The following QKI variants were observed in gnomAD, a reference collection of about 807,000 sequenced individuals.
QKI encodes QKI, KH domain containing RNA binding, also known as KH domain-containing RNA-binding protein QKI.
Under a neutral mutation model 39.0 loss-of-function variants are expected in QKI, and 10 were observed. The observed-to-expected ratio is 0.26, with a 90% CI of 0.16 to 0.43. The LOEUF (loss-of-function observed/expected upper bound fraction) is 0.43. QKI is among the 20% of genes least tolerant of loss of function. The pLI is 1.00. For synonymous variants in QKI, 204 were observed against 155.4 expected, an observed-to-expected ratio of 1.31 and a Z score of -2.33; for missense variants, 218 against 428.0, an observed-to-expected ratio of 0.51 and a Z score of 4.33.
intron 1 of QKI, among the ~76,000 whole-genome samples, chr6:163,446,357 A>G (rs562227625): frequency 1.4e-3 from 206 of 152,268 alleles, no homozygotes; most frequent in African/African-American, 4.6e-3. Context: ...ACCCGTTTCC[A>G]TTGCTAAGAG....
intron 2 of QKI, among the ~76,000 whole-genome samples, chr6:163,477,646 CTG>C (rs762447925): frequency 1.4e-4 from 22 of 152,104 alleles, no homozygotes; most frequent in South Asian, 2.1e-4. Flanking sequence ...ATAGATGAGT[CTG>C]TGAGTCTCAA....
At chr6:163,491,959 T>C (rs185676580) in intron 3 of QKI, among the ~76,000 whole-genome samples, 24 of 152,336 alleles carry the variant, frequency 1.6e-4, no homozygotes, top group Admixed American at 1.6e-3. Flanking sequence ...GAGTCCATTT[T>C]ATCACTAGAT....
At chr6:163,451,189 A>C (rs1186194655) in intron 1 of QKI, among the ~76,000 whole-genome samples, 1 of 151,530 alleles carries the variant, frequency 6.6e-6, no homozygotes, top group Admixed American at 6.6e-5. Context: ...TTGTCTTAAC[A>C]CCATTAGCAA....
intron 4 of QKI, among the ~76,000 whole-genome samples, chr6:163,541,221 C>T (rs1459250577): frequency 6.6e-6 from 1 of 151,894 alleles, no homozygotes; most frequent in African/African-American, 2.4e-5. Context: ...GTAATTTCTT[C>T]TTTGAGCCGT....
chr6:163,435,134 A>G (rs371308794), intron 1 of QKI, among the ~76,000 whole-genome samples: 2 of 152,322 alleles, frequency 1.3e-5, no homozygotes, highest in South Asian at 2.1e-4. Flanking sequence ...TTAGTTGCAT[A>G]TTATCCAAAA....
In QKI at chr6:163,459,231, C is replaced by T. The variant is rs564629078; in HGVS notation, c.285+3810C>T. ...GGAATGCAAGATCCAAGCCAAACTG[C>T]ATAAGCAGGTATAAGGCGTCTGCTC... On this transcript the variant is annotated intron_variant, in intron 2 of 7. Coordinates refer to ENST00000361752, the MANE Select transcript of QKI (RefSeq NM_006775.3). Among the ~76,000 whole-genome samples the T allele has an allele frequency of 4.1e-4, 62 of 152,352 alleles. 1 individual carries two copies. The highest frequency in any genetic ancestry group is 1.4e-3 in the African/African-American group (60 of 41,590).
chr6:163,503,888 C>A (rs1778937585), intron 3 of QKI, among the ~76,000 whole-genome samples: 1 of 151,874 alleles, frequency 6.6e-6, no homozygotes, highest in African/African-American at 2.4e-5. Flanking sequence ...TACAGGCGCC[C>A]ACCACCACAC....
chr6:163,555,869 TAAAC>T lies in QKI; in HGVS notation c.547-6111_547-6108del, dbSNP rs529061012. ...AGTATATAGATCTAAAAATACTAAA[TAAAC>T]ATGATTTTCTTACTTTCTAACATGT... On this transcript the variant is annotated intron_variant, in intron 4 of 7. Coordinates refer to ENST00000361752, the MANE Select transcript of QKI (RefSeq NM_006775.3). Among the ~76,000 whole-genome samples, 27 of 152,310 alleles carry T rather than the reference TAAAC, an allele frequency of 1.8e-4. No homozygotes were observed. The East Asian group carries it at 4.8e-3, about 27-fold the overall frequency.
At chr6:163,455,694 T>G (rs1393096980) in intron 2 of QKI, among the ~76,000 whole-genome samples, 1 of 152,214 alleles carries the variant, frequency 6.6e-6, no homozygotes, top group Admixed American at 6.5e-5. Context: ...ATGGCCTGAC[T>G]GACACAGAGC....
chr6:163,467,836 G>A (rs372570529), intron 2 of QKI, among the ~76,000 whole-genome samples: 16 of 152,216 alleles, frequency 1.1e-4, no homozygotes, highest in African/African-American at 3.9e-4. Context: ...GAAAGGATAT[G>A]TTTTCAGTAT....
Position 163,567,151 on chromosome 6 carries a change from T to G in QKI, c.1009+356T>G, listed in dbSNP as rs188892098. 25 of 1,018,304 alleles carry G rather than the reference T, an allele frequency of 2.5e-5. No individual in the cohort carries two copies. The East Asian group carries it at 2.3e-3, about 92-fold the overall frequency. 63.1% of individuals were successfully genotyped at this position (1,018,304 alleles called of 1,614,324 possible). A position where few individuals can be genotyped will look rare whatever the true frequency, so the allele number is the denominator to read the frequency against. On this transcript the variant is annotated intron_variant, in intron 7 of 7. Coordinates refer to ENST00000361752, the MANE Select transcript of QKI (RefSeq NM_006775.3). ...TTTTAAAAGTTCTGAAATTTGGGGT[T>G]GGTATTGCAAAATGAATTGAACGGA... is the stretch of plus-strand genomic sequence containing the variant.
intron 3 of QKI, among the ~76,000 whole-genome samples, chr6:163,501,758 T>A (rs532585304): frequency 5.2e-4 from 79 of 152,324 alleles, no homozygotes; most frequent in Admixed American, 9.8e-4. Flanking sequence ...TTACGTACTT[T>A]ATGTGATACA....
chr6:163,446,351 G>A (rs1790147948), intron 1 of QKI, among the ~76,000 whole-genome samples: 2 of 152,110 alleles, frequency 1.3e-5, no homozygotes, highest in Admixed American at 6.5e-5. Flanking sequence ...TTGGGTACCC[G>A]TTTCCATTGC....
At chr6:163,475,552 C>T (rs991615970) in intron 2 of QKI, among the ~76,000 whole-genome samples, 1 of 152,050 alleles carries the variant, frequency 6.6e-6, no homozygotes, top group Admixed American at 6.6e-5. Context: ...ATCCCCCCCA[C>T]CCCAGATACC....
At chr6:163,469,269 T>C (rs1362236319) in intron 2 of QKI, among the ~76,000 whole-genome samples, 1 of 152,140 alleles carries the variant, frequency 6.6e-6, no homozygotes, top group African/African-American at 2.4e-5. Flanking sequence ...AACAAGGCTC[T>C]ATATGTGGTC....
chr6:163,508,299 G>A (rs1368369128), intron 3 of QKI, among the ~76,000 whole-genome samples: 1 of 152,048 alleles, frequency 6.6e-6, no homozygotes, highest in Non-Finnish European at 1.5e-5. Context: ...GAAACAGCAA[G>A]TAGAATGAAC....
chr6:163,524,608 A>G (rs1372434135), intron 3 of QKI, among the ~76,000 whole-genome samples: 1 of 150,432 alleles, frequency 6.6e-6, no homozygotes, highest in Non-Finnish European at 1.5e-5. Context: ...AGCTAGGATT[A>G]CAGACATGTG....
chr6:163,425,959 G>A (rs1391564523), intron 1 of QKI, among the ~76,000 whole-genome samples: 4 of 152,042 alleles, frequency 2.6e-5, no homozygotes, highest in Non-Finnish European at 5.9e-5. Flanking sequence ...AAATTTAATT[G>A]TATTAATTTT....
At chr6:163,569,794 T>C (rs1253415797) in intron 7 of QKI, 1 of 984,758 alleles carries the variant, frequency 1.0e-6, no homozygotes, top group Non-Finnish European at 1.2e-6. Flanking sequence ...AGCTTTGAAA[T>C]TGAATAAAGA....
Sources: gnomAD v4.1 joint callset for allele counts (sites outside exome capture counted in the v4.1 genomes callset) on GRCh38, gnomAD v4.1.1 for gene constraint, MANE v1.5 for transcripts, NCBI Gene and HGNC (gene_info 2026-07-23, HGNC 2026-07-21) for gene names.